DHX15: variants seen among roughly 807,000 people sequenced by gnomAD.
The protein encoded by DHX15 is DEAH-box helicase 15, also known as ATP-dependent RNA helicase DHX15.
DHX15 carries 11 observed loss-of-function variants against 94.4 expected under a neutral mutation model. That is an observed-to-expected ratio of 0.12 (90% CI 0.07 to 0.19). The LOEUF (loss-of-function observed/expected upper bound fraction) is 0.19. Among genes scored for constraint, DHX15 ranks in the 10% least tolerant of loss-of-function variants. The probability of loss-of-function intolerance (pLI) is 1.00; values close to 1 mark genes in which losing one functional copy is unlikely to be tolerated. For missense variants in DHX15, 304 were observed against 988.5 expected (o/e 0.31, Z 9.29); for synonymous variants, 338 against 329.9 (o/e 1.02, Z -0.27).
intron 3 of DHX15, among the ~76,000 whole-genome samples, chr4:24,569,889 G>A (rs1275038137): frequency 6.6e-6 from 1 of 152,214 alleles, no homozygotes; most frequent in Admixed American, 6.5e-5. Context: ...TCCTGCTTCA[G>A]CCTACGAAGT....
chr4:24,541,344 A>G (rs1721305059), intron 8 of DHX15, among the ~76,000 whole-genome samples: 1 of 152,160 alleles, frequency 6.6e-6, no homozygotes, highest in Admixed American at 6.6e-5. Flanking sequence ...TTTGTCACTT[A>G]GCAACCATCT....
chr4:24,576,537 A>T lies in DHX15; in HGVS notation c.213T>A (p.Ser71Arg). ...AAGCTTTCAAAGGTGGTAATCCAGCACTGATAAGCATAGCATTTGTTGAAG... is the reference window on the plus strand; with the variant it reads ...AAGCTTTCAAAGGTGGTAATCCAGCTCTGATAAGCATAGCATTTGTTGAAG... ...LRASTNAMLI[S>R]AGLPPLKASH... The change falls in exon 2 of 14, where the codon AGT becomes AGA. Residue 71 changes from serine (S) to arginine (R), a missense_variant. By Grantham distance (110) the Ser-to-Arg change is moderately radical. Transcript: ENST00000336812. 6.2e-7 allele frequency: 1 copy of T among 1,614,178 alleles called. No homozygotes were observed. The highest frequency in any genetic ancestry group is 8.5e-7 in the Non-Finnish European group (1 of 1,180,028).
chr4:24,555,363 T>C (rs190935360), intron 4 of DHX15, among the ~76,000 whole-genome samples: 15 of 152,048 alleles, frequency 9.9e-5, no homozygotes, highest in African/African-American at 3.6e-4. Flanking sequence ...AAAAGTTTCA[T>C]AAGAGTTCTT....
intron 3 of DHX15, among the ~76,000 whole-genome samples, chr4:24,569,663 A>T (rs1309863279): frequency 6.6e-6 from 1 of 151,226 alleles, no homozygotes; most frequent in East Asian, 2.0e-4. Context: ...TATCTCTCTG[A>T]CAACAAAGAC....
intron 12 of DHX15, among the ~76,000 whole-genome samples, chr4:24,532,037 G>A (rs115875911): frequency 1.8e-4 from 28 of 152,272 alleles, no homozygotes; most frequent in African/African-American, 6.7e-4. Context: ...AAGAGAGAAT[G>A]AACAAACAGA....
At position 24,584,502 on chromosome 4, in the gene DHX15, A is replaced by C; in HGVS notation, c.-109T>G. On this transcript the variant is annotated 5_prime_UTR_variant, in exon 1 of 14. Coordinates refer to ENST00000336812, the MANE Select transcript of DHX15 (RefSeq NM_001358.3). ...GAGGACCCCCACCCCTCCCGCTACT[A>C]CAGCCCACACGGTGCGGCCGGAACC... The C allele has an allele frequency of 1.9e-6, 2 of 1,068,372 alleles. No individual in the cohort carries two copies. The highest frequency in any genetic ancestry group is 2.7e-6 in the Non-Finnish European group (2 of 749,288). 66.2% of individuals were successfully genotyped at this position (1,068,372 alleles called of 1,614,324 possible). A position where few individuals can be genotyped will look rare whatever the true frequency, so the allele number is the denominator to read the frequency against.
At chr4:24,535,640 T>C (rs971182909) in intron 11 of DHX15, among the ~76,000 whole-genome samples, 1 of 152,198 alleles carries the variant, frequency 6.6e-6, no homozygotes, top group Non-Finnish European at 1.5e-5. Flanking sequence ...AAGGGCTCCA[T>C]TCTTTCTCAC....
chr4:24,554,991 C>G, intron 4 of DHX15, 48 bp from the exon 5 acceptor site: 1 of 1,444,750 alleles, frequency 6.9e-7, no homozygotes, highest in Non-Finnish European at 9.7e-7. Context: ...AGGATTCTTA[C>G]ATGGTCTTAC....
Position 24,550,047 on chromosome 4 carries a change from T to C in DHX15, c.1081-1025A>G, listed in dbSNP as rs145411064. Among the ~76,000 whole-genome samples the C allele has an allele frequency of 4.4e-3, 564 of 128,188 alleles. 3 individuals carry two copies. The highest frequency in any genetic ancestry group is 0.016 in the African/African-American group (523 of 33,232). The allele number at this position is 128,188 out of a possible 152,430, so 84.1% of individuals were successfully genotyped here. A position where few individuals can be genotyped will look rare whatever the true frequency, so the allele number is the denominator to read the frequency against. On this transcript the variant is annotated intron_variant, in intron 5 of 13. Transcript: ENST00000336812. ...CGCAGGAGGTTGCAATAAGCCGAGA[T>C]TGCACCATTGCACTCCAGCCTGGGC...
At chr4:24,535,268 TAG>T (rs1393132067) in intron 11 of DHX15, among the ~76,000 whole-genome samples, 2 of 152,192 alleles carry the variant, frequency 1.3e-5, no homozygotes, top group Non-Finnish European at 2.9e-5. Context: ...TATTTTGATG[TAG>T]AAAGTAGTAT....
intron 5 of DHX15, among the ~76,000 whole-genome samples, chr4:24,553,246 G>A (rs1224608368): frequency 6.6e-6 from 1 of 152,096 alleles, no homozygotes; most frequent in East Asian, 1.9e-4. Flanking sequence ...ACCTGAACCT[G>A]GGAGGCAGAG....
At position 24,533,162 on chromosome 4, in the gene DHX15, A is replaced by T. The variant is rs554730034; in HGVS notation, c.1910-108T>A. The stretch of plus-strand genomic sequence containing the variant: ...AAAGAATAAGCTAAATAAACCAGAA[A>T]GGAGATTTACCCACAACATTTTCTT... On this transcript the variant is annotated intron_variant, in intron 11 of 13. Transcript: ENST00000336812. 4 of 973,826 alleles carry T rather than the reference A, an allele frequency of 4.1e-6. No individual in the cohort carries two copies. The Admixed American group carries it at 5.4e-5, about 13-fold the overall frequency. The allele number at this position is 973,826 out of a possible 1,614,324, so 60.3% of individuals were successfully genotyped here. A position where few individuals can be genotyped will look rare whatever the true frequency, so the allele number is the denominator to read the frequency against.
chr4:24,528,063 A>G, intron 13 of DHX15, 22 bp from the exon 14 acceptor site: 1 of 1,556,364 alleles, frequency 6.4e-7, no homozygotes, highest in South Asian at 1.1e-5. Flanking sequence ...TGGGCAGAAA[A>G]ATTTCCAAAT....
At chr4:24,577,419 A>G (rs376304641) in intron 1 of DHX15, among the ~76,000 whole-genome samples, 2 of 152,314 alleles carry the variant, frequency 1.3e-5, no homozygotes. Flanking sequence ...AACTGAAATT[A>G]AAACTTTTAT....
intron 2 of DHX15, 51 bp from the exon 3 acceptor site, chr4:24,570,898 G>T: frequency 6.4e-7 from 1 of 1,566,840 alleles, no homozygotes; most frequent in Non-Finnish European, 8.7e-7. Context: ...TGCATATCAA[G>T]TATATGTAAC....
intron 11 of DHX15, among the ~76,000 whole-genome samples, chr4:24,535,553 T>C (rs190907254): frequency 2.0e-5 from 3 of 152,288 alleles, no homozygotes; most frequent in Admixed American, 6.5e-5. Flanking sequence ...CATGTGCTGG[T>C]CTTCAGCCTG....
chr4:24,573,751 T>C (rs1253718410), intron 2 of DHX15, among the ~76,000 whole-genome samples: 1 of 152,192 alleles, frequency 6.6e-6, no homozygotes, highest in African/African-American at 2.4e-5. Context: ...CCCTCTGTAT[T>C]CTAGCCAGAG....
intron 5 of DHX15, among the ~76,000 whole-genome samples, chr4:24,550,266 A>G (rs761927853): frequency 1.3e-5 from 2 of 152,040 alleles, no homozygotes; most frequent in Non-Finnish European, 2.9e-5. Context: ...TAAACACTGT[A>G]CATTTTGGCG....
intron 10 of DHX15, chr4:24,538,687 C>A (rs1039863614): frequency 2.6e-5 from 4 of 152,018 alleles, no homozygotes; most frequent in Non-Finnish European, 5.9e-5. Context: ...CACATAAATG[C>A]TCATTCTCCT....
Sources: allele counts gnomAD v4.1 joint callset (sites outside exome capture counted in the v4.1 genomes callset), GRCh38; gene constraint gnomAD v4.1.1; transcripts MANE v1.5; gene names NCBI Gene and HGNC (gene_info 2026-07-23, HGNC 2026-07-21).